Variants in ORAI2 observed in about 807,000 individuals in gnomAD.
The protein encoded by ORAI2 is ORAI calcium release-activated calcium modulator 2.
A neutral mutation model predicts 16.2 loss-of-function variants in ORAI2; 10 were observed. The ratio of observed to expected loss-of-function variants is 0.62; its 90% CI spans 0.38 to 1.04. ORAI2 has a LOEUF of 1.04. ORAI2 is among the 50% of genes least tolerant of loss of function. The pLI is 0.01. For missense variants in ORAI2, 238 were observed against 355.5 expected, an observed-to-expected ratio of 0.67 and a Z score of 2.66; for synonymous variants, 150 against 157.5, an observed-to-expected ratio of 0.95 and a Z score of 0.35.
At position 102,456,186 on chromosome 7, in the gene ORAI2, C is replaced by G. The variant is rs949325552; in HGVS notation, c.*9134C>G. 1 of 153,936 alleles carries G rather than the reference C, an allele frequency of 6.5e-6. No homozygotes were observed. The highest frequency in any genetic ancestry group is 1.5e-5 in the Non-Finnish European group (1 of 68,204). The allele number at this position is 153,936 out of a possible 1,614,324, so 9.5% of individuals were successfully genotyped here. On this transcript the variant is annotated 3_prime_UTR_variant, in exon 4 of 4. Coordinates refer to ENST00000495936, the MANE Select transcript of ORAI2 (RefSeq NM_001126340.3). ...CCCCCATCCAGGTAAGCGCCCCCAC[C>G]ACAGCCCCATCACAAAGGAATAGCC...
At chr7:102,435,486 C>T (rs899695500) in intron 1 of ORAI2, among the ~76,000 whole-genome samples, 1 of 152,048 alleles carries the variant, frequency 6.6e-6, no homozygotes, top group Non-Finnish European at 1.5e-5. Context: ...CCTCTGCTCC[C>T]TGCCCTCCAT....
intron 3 of ORAI2, among the ~76,000 whole-genome samples, chr7:102,445,668 T>G (rs1797332924): frequency 6.6e-6 from 1 of 151,828 alleles, no homozygotes; most frequent in Non-Finnish European, 1.5e-5. Context: ...CAGGCTGGAG[T>G]GCAGTGGTGC....
At chr7:102,435,866 C>T (rs554846863) in intron 1 of ORAI2, among the ~76,000 whole-genome samples, 4 of 152,214 alleles carry the variant, frequency 2.6e-5, no homozygotes, top group African/African-American at 7.2e-5. Context: ...AACTCCTGAC[C>T]TCTAGTGATC....
chr7:102,442,594 C>T (rs912820510), intron 3 of ORAI2, among the ~76,000 whole-genome samples: 2 of 150,906 alleles, frequency 1.3e-5, no homozygotes, highest in South Asian at 2.1e-4. Context: ...GGCTGAGGCA[C>T]GAGAATCACT....
In ORAI2 at chr7:102,436,721, C is replaced by G. The variant is rs766730143; in HGVS notation, c.-14+388C>G. Among the ~76,000 whole-genome samples the G allele has an allele frequency of 1.2e-4, 18 of 151,720 alleles. 1 individual carries two copies. Among genetic ancestry groups the G allele is most frequent in the Non-Finnish European group, 2.5e-4 (17 of 67,910 alleles). On this transcript the variant is annotated intron_variant, in intron 2 of 3. Coordinates refer to ENST00000495936, the MANE Select transcript of ORAI2 (RefSeq NM_001126340.3). ...TCGTTTCTTTTTTTTCTTTTCTTTT[C>G]TTTTTTTGAGACGGAATCCTGCTCT...
At position 102,452,504 on chromosome 7, in the gene ORAI2, C is replaced by T. The variant is rs1456155118; in HGVS notation, c.*5452C>T. On this transcript the variant is annotated 3_prime_UTR_variant, in exon 4 of 4. Transcript: ENST00000495936. ...CAGAGCTGGAGTGCAGTGGTGCAAT[C>T]ATAGCTCTCTGCAGGCTCCAGCTTC... is the stretch of plus-strand genomic sequence containing the variant. 6.6e-6 allele frequency: 1 copy of T among 152,214 alleles called. No individual in the cohort carries two copies. Among genetic ancestry groups the T allele is most frequent in the East Asian group, 1.9e-4 (1 of 5,190 alleles). 9.4% of individuals were successfully genotyped at this position (152,214 alleles called of 1,614,324 possible). A position where few individuals can be genotyped will look rare whatever the true frequency, so the allele number is the denominator to read the frequency against.
chr7:102,439,066 T>G lies in ORAI2; in HGVS notation c.110T>G (p.Leu37Arg). 6.2e-7 allele frequency: 1 copy of G among 1,614,086 alleles called. No individual in the cohort carries two copies. Among genetic ancestry groups the G allele is most frequent in the Non-Finnish European group, 8.5e-7 (1 of 1,180,030 alleles). The change falls in exon 3 of 4, where the codon CTG (leucine) becomes CGG (arginine). Residue 37 changes from leucine (L) to arginine (R), a missense_variant. Transcript: ENST00000495936. The stretch of plus-strand genomic sequence containing the variant: ...TGGGTCCGCCGCAGCTACCTGGAAC[T>G]GGTCACCTCTAACCACCACTCGGTA... ...RDWVRRSYLELVTSNHHSVQA... is the reference protein window; with the variant it reads ...RDWVRRSYLERVTSNHHSVQA...
At position 102,450,197 on chromosome 7, in the gene ORAI2, T is replaced by TAA. The variant is rs573772822; in HGVS notation, c.*3158_*3159dup. The stretch of plus-strand genomic sequence containing the variant: ...GGGTGACAGAGTGAGACCCTGTCTC[T>TAA]AAAAAAAAAAAAAAGAAAATAAAGA... On this transcript the variant is annotated 3_prime_UTR_variant, in exon 4 of 4. Coordinates refer to ENST00000495936, the MANE Select transcript of ORAI2 (RefSeq NM_001126340.3). The TAA allele has an allele frequency of 1.8e-4, 24 of 136,296 alleles. No individual in the cohort carries two copies. In the East Asian group the frequency reaches 3.8e-3, roughly 21 times the overall value. The allele number at this position is 136,296 out of a possible 1,614,324, so 8.4% of individuals were successfully genotyped here.
At position 102,456,364 on chromosome 7, in the gene ORAI2, C is replaced by T. The variant is rs1265518946; in HGVS notation, c.*9312C>T. 4 of 152,434 alleles carry T rather than the reference C, an allele frequency of 2.6e-5. No homozygotes were observed. The highest frequency in any genetic ancestry group is 9.7e-5 in the African/African-American group (4 of 41,432). 9.4% of individuals were successfully genotyped at this position (152,434 alleles called of 1,614,324 possible). A position where few individuals can be genotyped will look rare whatever the true frequency, so the allele number is the denominator to read the frequency against. On this transcript the variant is annotated 3_prime_UTR_variant, in exon 4 of 4. Transcript: ENST00000495936. ...TGGTAAAGCCATCCTCCCGCCTCAG[C>T]CTTTCGAGTAGCTGGGACTACAGGT...
chr7:102,442,255 A>C (rs1173933921), intron 3 of ORAI2, among the ~76,000 whole-genome samples: 1 of 151,916 alleles, frequency 6.6e-6, no homozygotes, highest in Non-Finnish European at 1.5e-5. Context: ...GTCCCTACTA[A>C]AAATATGAAA....
In ORAI2 at chr7:102,452,950, C is replaced by T. The variant is rs1797565873; in HGVS notation, c.*5898C>T. 1 of 151,894 alleles carries T rather than the reference C, an allele frequency of 6.6e-6. No homozygotes were observed. The highest frequency in any genetic ancestry group is 1.5e-5 in the Non-Finnish European group (1 of 68,070). The allele number at this position is 151,894 out of a possible 1,614,324, so 9.4% of individuals were successfully genotyped here. ...AAGCTGGGACTACAGGCATGCACCACCACCATGCCCTGCTAATTTTTGTTG... is the reference window on the plus strand; with the variant it reads ...AAGCTGGGACTACAGGCATGCACCATCACCATGCCCTGCTAATTTTTGTTG... On this transcript the variant is annotated 3_prime_UTR_variant, in exon 4 of 4. Transcript: ENST00000495936.
At position 102,447,120 on chromosome 7, in the gene ORAI2, T is replaced by G; in HGVS notation, c.*68T>G. 7.0e-7 allele frequency: 1 copy of G among 1,437,830 alleles called. No individual in the cohort carries two copies. The highest frequency in any genetic ancestry group is 9.1e-7 in the Non-Finnish European group (1 of 1,097,904). 89.1% of individuals were successfully genotyped at this position (1,437,830 alleles called of 1,614,324 possible). On this transcript the variant is annotated 3_prime_UTR_variant, in exon 4 of 4. Coordinates refer to ENST00000495936, the MANE Select transcript of ORAI2 (RefSeq NM_001126340.3). ...TCCGCAGAGGCGGGGATTTGTCAGA[T>G]GCAGACATTTTGCAAGGCTGCCGGG...
At chr7:102,439,858 T>G (rs980058790) in intron 3 of ORAI2, among the ~76,000 whole-genome samples, 2 of 152,048 alleles carry the variant, frequency 1.3e-5, no homozygotes, top group Admixed American at 6.6e-5. Flanking sequence ...GGTGAGTGGA[T>G]CACTTGAGAT....
Position 102,453,035 on chromosome 7 carries a change from A to C in ORAI2, c.*5983A>C, listed in dbSNP as rs1215896080. The C allele has an allele frequency of 6.6e-6, 1 of 152,036 alleles. No homozygotes were observed. Among genetic ancestry groups the C allele is most frequent in the Admixed American group, 6.6e-5 (1 of 15,242 alleles). The allele number at this position is 152,036 out of a possible 1,614,324, so 9.4% of individuals were successfully genotyped here. On this transcript the variant is annotated 3_prime_UTR_variant, in exon 4 of 4. Transcript: ENST00000495936. ...GTTGCCCAGGCTGGAGTGCAGTGGC[A>C]CGATCTCAGCTCACCGCAACCTCCG...
At chr7:102,441,209 A>T (rs1054294099) in intron 3 of ORAI2, among the ~76,000 whole-genome samples, 4 of 149,968 alleles carry the variant, frequency 2.7e-5, no homozygotes, top group African/African-American at 9.7e-5. Context: ...GTTTTTCTGT[A>T]GGCCGGAGCC....
chr7:102,438,867 T>A (rs540563500), intron 2 of ORAI2, 77 bp from the exon 3 acceptor site: 4 of 1,410,794 alleles, frequency 2.8e-6, no homozygotes, highest in Non-Finnish European at 4.0e-6. Context: ...CCTCTGTAGG[T>A]TGAATGGGCT....
At chr7:102,445,544 G>A (rs555229240) in intron 3 of ORAI2, among the ~76,000 whole-genome samples, 7 of 152,200 alleles carry the variant, frequency 4.6e-5, no homozygotes, top group Admixed American at 3.9e-4. Flanking sequence ...GTTATCTCCC[G>A]GGTTCAAGCG....
intron 3 of ORAI2, among the ~76,000 whole-genome samples, chr7:102,443,036 T>A (rs940396726): frequency 1.4e-5 from 2 of 147,246 alleles, no homozygotes; most frequent in South Asian, 2.2e-4. Flanking sequence ...AAAAAAAAAA[T>A]TAATTTAAAT....
rs1218439604 is a variant in ORAI2 at position 102,453,986 on chromosome 7, C to T, written c.*6934C>T. On this transcript the variant is annotated 3_prime_UTR_variant, in exon 4 of 4. Coordinates refer to ENST00000495936, the MANE Select transcript of ORAI2 (RefSeq NM_001126340.3). The stretch of plus-strand genomic sequence containing the variant: ...TCAAGTGATCCTCCTGCCTCAGCCT[C>T]CCAAAGTGCTGGGATTATAGGCGTG... The T allele has an allele frequency of 2.6e-5, 4 of 152,360 alleles. No individual in the cohort carries two copies. Among genetic ancestry groups the T allele is most frequent in the Non-Finnish European group, 5.9e-5 (4 of 68,202 alleles). 9.4% of individuals were successfully genotyped at this position (152,360 alleles called of 1,614,324 possible).
Sources: gnomAD v4.1 joint callset for allele counts (sites outside exome capture counted in the v4.1 genomes callset) on GRCh38, gnomAD v4.1.1 for gene constraint, MANE v1.5 for transcripts, NCBI Gene and HGNC (gene_info 2026-07-23, HGNC 2026-07-21) for gene names.